The following MLPH variants were observed in gnomAD, a reference collection of about 807,000 sequenced individuals.
MLPH encodes the protein exophilin-3.
In MLPH, 51 loss-of-function variants were observed where a neutral mutation model predicts 72.1. That is an observed-to-expected ratio of 0.71 (90% CI 0.56 to 0.89). The LOEUF is 0.89. Among genes scored for constraint, MLPH ranks in the 40% least tolerant of loss-of-function variants. The probability of loss-of-function intolerance (pLI) is 0.00; values close to 1 mark genes in which losing one functional copy is unlikely to be tolerated. For missense variants in MLPH, 743 were observed against 759.9 expected (o/e 0.98, Z 0.26); for synonymous variants, 301 against 310.1 (o/e 0.97, Z 0.31).
intron 15 of MLPH, 90 bp from the exon 16 acceptor site, chr2:237,553,476 G>A: frequency 8.3e-7 from 1 of 1,204,720 alleles, no homozygotes; most frequent in Non-Finnish European, 1.2e-6. Flanking sequence ...GTACACACCT[G>A]TGTATTTGTA....
chr2:237,518,659 T>C lies in MLPH; in HGVS notation c.555+11T>C. ...CCCTTTGGCAGCAAAGTAAGTCATC[T>C]CCAGCCACCCCCTCCTCAGCCACCT... On this transcript the variant is annotated intron_variant, in intron 5 of 15. Coordinates refer to ENST00000264605, the MANE Select transcript of MLPH (RefSeq NM_024101.7). 3 of 1,601,694 alleles carry C rather than the reference T, an allele frequency of 1.9e-6. No homozygotes were observed. The highest frequency in any genetic ancestry group is 1.1e-5 in the South Asian group (1 of 90,218).
intron 6 of MLPH, among the ~76,000 whole-genome samples, chr2:237,521,922 G>A (rs1246820652): frequency 8.3e-6 from 1 of 121,170 alleles, no homozygotes; most frequent in African/African-American, 3.3e-5. Context: ...CAACTATAGT[G>A]CTGGAGCGGA....
chr2:237,551,904 G>A (rs986693177), intron 14 of MLPH: 3 of 165,532 alleles, frequency 1.8e-5, no homozygotes, highest in Non-Finnish European at 3.9e-5. Context: ...ACTTGAACCC[G>A]AGGCAGAGGT....
At chr2:237,549,599 A>G (rs1040655044) in intron 14 of MLPH, among the ~76,000 whole-genome samples, 13 of 152,154 alleles carry the variant, frequency 8.5e-5, no homozygotes, top group African/African-American at 3.1e-4. Context: ...AGTACGGCTC[A>G]TCATTTAGCC....
At chr2:237,527,166 C>G (rs1274862117) in intron 7 of MLPH, among the ~76,000 whole-genome samples, 1 of 152,150 alleles carries the variant, frequency 6.6e-6, no homozygotes, top group African/African-American at 2.4e-5. Flanking sequence ...ACCCACAATG[C>G]CAGGCAAGGT....
At chr2:237,530,436 T>C (rs1235582301) in intron 8 of MLPH, among the ~76,000 whole-genome samples, 2 of 152,198 alleles carry the variant, frequency 1.3e-5, no homozygotes, top group South Asian at 2.1e-4. Context: ...TGGGGAATCA[T>C]AGGGGTTTGG....
intron 14 of MLPH, among the ~76,000 whole-genome samples, chr2:237,549,876 C>A (rs2080998039): frequency 6.6e-6 from 1 of 152,194 alleles, no homozygotes. Context: ...TGCCCTCACA[C>A]ACACCATTGT....
At position 237,506,579 on chromosome 2, in the gene MLPH, C is replaced by T. The variant is rs137924592; in HGVS notation, c.111-3995C>T. Among the ~76,000 whole-genome samples, 13 of 152,270 alleles carry T rather than the reference C, an allele frequency of 8.5e-5. 1 individual carries two copies. In the East Asian group the frequency reaches 2.3e-3, roughly 27 times the overall value. On this transcript the variant is annotated intron_variant, in intron 2 of 15. Coordinates refer to ENST00000264605, the MANE Select transcript of MLPH (RefSeq NM_024101.7). ...GCAGGGGGTACGTGACTGGGGGCTA[C>T]ATGCACCTGCACCAGTAATTAGAAT... is the stretch of plus-strand genomic sequence containing the variant.
Position 237,540,840 on chromosome 2 carries a change from A to G in MLPH, c.1329A>G (p.Lys443=), listed in dbSNP as rs1454248281. The G allele has an allele frequency of 3.1e-6, 5 of 1,613,278 alleles. No homozygotes were observed. In the Admixed American group the frequency reaches 8.3e-5, roughly 27 times the overall value. ...TAAHQTNRQE[K]SPQDPGDPVQ... Reference sequence around the variant, plus strand: ...CCCATCAAACCAACAGACAGGAAAAAAGCCCCCAGGACCCTGGGGACCCCG... The same window carrying G: ...CCCATCAAACCAACAGACAGGAAAAGAGCCCCCAGGACCCTGGGGACCCCG... Residue 443 remains lysine (K), a synonymous_variant, in exon 11 of 16, where the codon AAA becomes AAG. Coordinates refer to ENST00000264605, the MANE Select transcript of MLPH (RefSeq NM_024101.7).
chr2:237,488,619 G>A (rs946700843), intron 1 of MLPH, among the ~76,000 whole-genome samples: 1 of 152,210 alleles, frequency 6.6e-6, no homozygotes, highest in Non-Finnish European at 1.5e-5. Flanking sequence ...ACAGTAGCAG[G>A]TGCCTCAGAG....
At chr2:237,551,753 G>A (rs745734741) in intron 14 of MLPH, among the ~76,000 whole-genome samples, 8 of 152,120 alleles carry the variant, frequency 5.3e-5, no homozygotes, top group African/African-American at 1.2e-4. Context: ...CAAGGCGGGC[G>A]GATCACTTGA....
At chr2:237,518,419 A>C in intron 4 of MLPH, 120 bp from the exon 5 acceptor site, 2 of 793,570 alleles carry the variant, frequency 2.5e-6, no homozygotes, top group Non-Finnish European at 4.4e-6. Flanking sequence ...GAATGGATGA[A>C]GGAGGGAGGG....
At chr2:237,511,332 G>C (rs1049629149) in intron 4 of MLPH, 2 of 456,366 alleles carry the variant, frequency 4.4e-6, no homozygotes, top group East Asian at 4.3e-5. Context: ...GACTGGCCTC[G>C]AACTCCTGGG....
Position 237,527,507 on chromosome 2 carries a change from T to C in MLPH, c.1011T>C (p.Ser337=), listed in dbSNP as rs1368593811. Residue 337 remains serine, a synonymous_variant, in exon 8 of 16, where the codon TCT becomes TCC. Transcript: ENST00000264605. ...CCAAGCGGAGAGGCCGGGCGTCTTCTGAGAGTCAGGTAACGGTGGCTGGAA... is the reference window on the plus strand; with the variant it reads ...CCAAGCGGAGAGGCCGGGCGTCTTCCGAGAGTCAGGTAACGGTGGCTGGAA... The part of the protein sequence containing the change: ...HHSKRRGRAS[S]ESQIFELNKH... 17 of 1,614,140 alleles carry C rather than the reference T, an allele frequency of 1.1e-5. No homozygotes were observed. The highest frequency in any genetic ancestry group is 1.4e-5 in the Non-Finnish European group (17 of 1,179,998).
At chr2:237,500,070 C>T (rs1050594410) in intron 2 of MLPH, among the ~76,000 whole-genome samples, 6 of 152,090 alleles carry the variant, frequency 3.9e-5, no homozygotes, top group African/African-American at 7.2e-5. Context: ...TAAAAAAATA[C>T]GTAGAAAAAT....
intron 8 of MLPH, among the ~76,000 whole-genome samples, chr2:237,532,039 G>A (rs1235092271): frequency 6.6e-6 from 1 of 152,196 alleles, no homozygotes; most frequent in East Asian, 1.9e-4. Flanking sequence ...TGTTTCCCAT[G>A]CATCTTTATA....
chr2:237,498,847 C>T (rs921899182), intron 2 of MLPH, among the ~76,000 whole-genome samples: 3 of 152,316 alleles, frequency 2.0e-5, no homozygotes, highest in Admixed American at 2.0e-4. Context: ...AGGATGTTAG[C>T]ACCACTGGCA....
chr2:237,534,462 C>T lies in MLPH; in HGVS notation c.1021-102C>T, dbSNP rs1226871745. The T allele has an allele frequency of 1.1e-5, 11 of 964,100 alleles. No homozygotes were observed. The East Asian group carries it at 1.5e-4, about 13-fold the overall frequency. 59.7% of individuals were successfully genotyped at this position (964,100 alleles called of 1,614,324 possible). On this transcript the variant is annotated intron_variant, in intron 8 of 15. Coordinates refer to ENST00000264605, the MANE Select transcript of MLPH (RefSeq NM_024101.7). ...TGGGTGGTGGCCTTAGCTCTCCTTCCGCTTCTTGGGAATTTGGTGCTTCAG... is the reference window on the plus strand; with the variant it reads ...TGGGTGGTGGCCTTAGCTCTCCTTCTGCTTCTTGGGAATTTGGTGCTTCAG...
chr2:237,519,227 G>T (rs529401065), intron 5 of MLPH, among the ~76,000 whole-genome samples: 1 of 152,246 alleles, frequency 6.6e-6, no homozygotes, highest in South Asian at 2.1e-4. Context: ...GAAGGGGCTG[G>T]GTAGGTGAGC....
Sources: gnomAD v4.1 joint callset for allele counts (sites outside exome capture counted in the v4.1 genomes callset) on GRCh38, gnomAD v4.1.1 for gene constraint, MANE v1.5 for transcripts, NCBI Gene and HGNC (gene_info 2026-07-23, HGNC 2026-07-21) for gene names.